CCDC102A: variants seen among roughly 807,000 people sequenced by gnomAD.
CCDC102A encodes the protein coiled-coil domain-containing protein 102A.
CCDC102A carries 40 observed loss-of-function variants against 55.5 expected under a neutral mutation model. The ratio of observed to expected loss-of-function variants is 0.72; its 90% CI spans 0.56 to 0.94. The LOEUF (loss-of-function observed/expected upper bound fraction) is 0.94, where lower values mean the gene tolerates loss of function less well. CCDC102A is among the 40% of genes least tolerant of loss of function. CCDC102A has a pLI of 0.00. For missense variants in CCDC102A, 779 were observed against 768.6 expected, an observed-to-expected ratio of 1.01 and a Z score of -0.16; for synonymous variants, 323 against 339.0, an observed-to-expected ratio of 0.95 and a Z score of 0.52.
rs150719657 is a variant in CCDC102A, at chr16:57,527,606, G to A, written c.585+987C>T. ...GACTAATTTTTGTACTTTTAGTAGA[G>A]ATGGGGTTTCACCATGTTGGCCAGG... is the stretch of plus-strand genomic sequence containing the variant. On this transcript the variant is annotated intron_variant, in intron 2 of 8. Coordinates refer to ENST00000258214, the MANE Select transcript of CCDC102A (RefSeq NM_033212.4). Among the ~76,000 whole-genome samples the A allele has an allele frequency of 3.4e-3, 522 of 152,246 alleles. 4 individuals are homozygous for A. The highest frequency in any genetic ancestry group is 0.02 in the Admixed American group (303 of 15,296).
In CCDC102A at chr16:57,518,243, C is replaced by G; in HGVS notation, c.1073G>C (p.Trp358Ser). Residue 358 changes from tryptophan to serine, a missense_variant, in exon 6 of 9, where the codon TGG (tryptophan) becomes TCG (serine). Trp to Ser is a radical substitution (Grantham distance 177). Transcript: ENST00000258214. ...TGTCTCCAGCCGCTCCCGGCGGCCC[C>G]ACTCCGCAGCGTTTTCGGCCTGCAG... ...ERLQAENAAE[W>S]GRRERLETEK... The G allele has an allele frequency of 6.2e-7, 1 of 1,611,250 alleles. No individual in the cohort carries two copies. Among genetic ancestry groups the G allele is most frequent in the Non-Finnish European group, 8.5e-7 (1 of 1,179,928 alleles).
At chr16:57,525,106 T>A (rs943334397) in intron 3 of CCDC102A, among the ~76,000 whole-genome samples, 15 of 120,710 alleles carry the variant, frequency 1.2e-4, no homozygotes, top group Non-Finnish European at 2.2e-4. Context: ...TTTATTTATT[T>A]ATTTATTGAG....
rs1379248749 is a variant in CCDC102A, at chr16:57,512,190, A to C, written c.*551T>G. On this transcript the variant is annotated 3_prime_UTR_variant, in exon 9 of 9. Coordinates refer to ENST00000258214, the MANE Select transcript of CCDC102A (RefSeq NM_033212.4). ...CATTCATTCTTTCTTCTTCACATTC[A>C]CTCATTTATTAAGTTACTTGACATT... 2.7e-6 allele frequency: 1 copy of C among 364,674 alleles called. No individual in the cohort carries two copies. The highest frequency in any genetic ancestry group is 4.7e-5 in the Admixed American group (1 of 21,474). The allele number at this position is 364,674 out of a possible 1,614,324, so 22.6% of individuals were successfully genotyped here. A position where few individuals can be genotyped will look rare whatever the true frequency, so the allele number is the denominator to read the frequency against.
At position 57,512,547 on chromosome 16, in the gene CCDC102A, T is replaced by C; in HGVS notation, c.*194A>G. On this transcript the variant is annotated 3_prime_UTR_variant, in exon 9 of 9. Transcript: ENST00000258214. ...GCGCGCGCGTGTGTGTATATATATA[T>C]ATAAAACATAGGCTTCCTTTCCACA... 1.6e-6 allele frequency: 1 copy of C among 632,260 alleles called. No homozygotes were observed. The highest frequency in any genetic ancestry group is 2.7e-6 in the Non-Finnish European group (1 of 368,002). The allele number at this position is 632,260 out of a possible 1,614,324, so 39.2% of individuals were successfully genotyped here.
intron 3 of CCDC102A, among the ~76,000 whole-genome samples, chr16:57,524,582 A>AAAAATAC (rs748559644): frequency 0.023 from 2,277 of 100,058 alleles, 20 homozygotes; most frequent in Non-Finnish European, 0.032. Context: ...GTCTAAAAAA[A>AAAAATAC]ATATATATAT....
chr16:57,515,554 G>A (rs1470919183), intron 7 of CCDC102A, 110 bp from the exon 8 acceptor site: 5 of 709,830 alleles, frequency 7.0e-6, no homozygotes, highest in Admixed American at 4.1e-5. Flanking sequence ...GTGCTCCTCC[G>A]AGAGTGTTTG....
chr16:57,528,612 T>G lies in CCDC102A; in HGVS notation c.566A>C (p.Glu189Ala), dbSNP rs754015339. 4 of 1,275,200 alleles carry G rather than the reference T, an allele frequency of 3.1e-6. No homozygotes were observed. The African/African-American group carries it at 6.5e-5, about 21-fold the overall frequency. The allele number at this position is 1,275,200 out of a possible 1,614,324, so 79.0% of individuals were successfully genotyped here. Residue 189 changes from glutamate to alanine, a missense_variant, in exon 2 of 9, where the codon GAG (glutamate) becomes GCG (alanine). Glu to Ala is a moderately radical substitution (Grantham distance 107). Coordinates refer to ENST00000258214, the MANE Select transcript of CCDC102A (RefSeq NM_033212.4). ...EREPVRDVGS[E>A]RPPGSQELEL... ...GCGCACCTGGCTGCCTGGCGGCCTC[T>G]CGGACCCGACGTCACGCACTGGCTC... is the stretch of plus-strand genomic sequence containing the variant.
chr16:57,528,342 G>T (rs1310763881), intron 2 of CCDC102A, among the ~76,000 whole-genome samples: 2 of 152,214 alleles, frequency 1.3e-5, no homozygotes, highest in Admixed American at 6.5e-5. Flanking sequence ...CTGGCTCAAA[G>T]GGGATGATTC....
rs1299416473 is a variant in CCDC102A, at chr16:57,518,128, T to C, written c.1188A>G (p.Thr396=). ...TCAGGTCGCAGTCCAGTGCGCTGGC[T>C]GTTTGCCGCCGCCGCCGGGCCAGCG... ...EEALARRRRQ[T]ASALDCDLRA... is the part of the protein sequence containing the mutation. Residue 396 remains threonine (T), a synonymous_variant, in exon 6 of 9, where the codon ACA becomes ACG. Transcript: ENST00000258214. 1.2e-6 allele frequency: 2 copies of C among 1,609,886 alleles called. No homozygotes were observed. Among genetic ancestry groups the C allele is most frequent in the Admixed American group, 3.3e-5 (2 of 59,996 alleles).
intron 1 of CCDC102A, among the ~76,000 whole-genome samples, chr16:57,534,363 C>T (rs1393824985): frequency 3.3e-5 from 5 of 152,226 alleles, no homozygotes; most frequent in African/African-American, 1.2e-4. Context: ...ATATTTTGAG[C>T]TGACACTTGC....
At chr16:57,533,783 C>A (rs2032319849) in intron 1 of CCDC102A, among the ~76,000 whole-genome samples, 1 of 152,168 alleles carries the variant, frequency 6.6e-6, no homozygotes, top group Non-Finnish European at 1.5e-5. Context: ...GTAACGCACA[C>A]ACTCACTGAG....
At chr16:57,515,079 C>A (rs1160008111) in intron 8 of CCDC102A, among the ~76,000 whole-genome samples, 6 of 152,152 alleles carry the variant, frequency 3.9e-5, no homozygotes, top group African/African-American at 1.2e-4. Context: ...TCCAGCCCGC[C>A]CTTCCTGCCC....
intron 1 of CCDC102A, among the ~76,000 whole-genome samples, chr16:57,532,171 T>C (rs1311015700): frequency 3.3e-5 from 5 of 152,166 alleles, no homozygotes; most frequent in Admixed American, 3.3e-4. Context: ...ACCCAGACAC[T>C]TGGCCCTATA....
At chr16:57,535,693 C>T (rs1225942119) in intron 1 of CCDC102A, among the ~76,000 whole-genome samples, 1 of 150,772 alleles carries the variant, frequency 6.6e-6, no homozygotes, top group African/African-American at 2.4e-5. Flanking sequence ...AGCAGACATC[C>T]CGCTAGTCCC....
intron 8 of CCDC102A, among the ~76,000 whole-genome samples, chr16:57,513,406 C>T (rs115710579): frequency 7.2e-5 from 11 of 152,342 alleles, no homozygotes; most frequent in Non-Finnish European, 7.3e-5. Context: ...TCCCCCAACC[C>T]CCCAGCAAAG....
chr16:57,533,480 T>A (rs544509518), intron 1 of CCDC102A, among the ~76,000 whole-genome samples: 1,494 of 144,852 alleles, frequency 0.01, 27 homozygotes, highest in African/African-American at 0.036. Context: ...ATGCACACAT[T>A]CACACACACA....
chr16:57,516,553 C>G lies in CCDC102A; in HGVS notation c.1249-90G>C. The G allele has an allele frequency of 9.7e-7, 1 of 1,027,338 alleles. No individual in the cohort carries two copies. The highest frequency in any genetic ancestry group is 2.5e-5 in the East Asian group (1 of 39,776). 63.6% of individuals were successfully genotyped at this position (1,027,338 alleles called of 1,614,324 possible). A position where few individuals can be genotyped will look rare whatever the true frequency, so the allele number is the denominator to read the frequency against. ...GGGAGTCCCACGAGGTCAGGCAGTT[C>G]TAGGGATGCTGGGTGTCTCTCCTTC... On this transcript the variant is annotated intron_variant, in intron 6 of 8. Transcript: ENST00000258214. The surrounding 1 kb of genome is among the most constrained non-coding windows in gnomAD (Gnocchi z 4.4).
Position 57,528,691 on chromosome 16 carries a change from C to G in CCDC102A, c.487G>C (p.Ala163Pro), listed in dbSNP as rs1396005713. ...RGRELARLRG[A>P]RGVADQTRDG... ...CGCGTCTGGTCGGCGACCCCCCGGGCGCCCCTCAGCCGCGCCAGCTCGCGG... is the reference window on the plus strand; with the variant it reads ...CGCGTCTGGTCGGCGACCCCCCGGGGGCCCCTCAGCCGCGCCAGCTCGCGG... Residue 163 changes from alanine (A) to proline (P), a missense_variant, in exon 2 of 9, where the codon GCC (alanine) becomes CCC (proline). Transcript: ENST00000258214. 4.4e-5 allele frequency: 49 copies of G among 1,122,444 alleles called. No individual in the cohort carries two copies. Among genetic ancestry groups the G allele is most frequent in the African/African-American group, 5.1e-5 (3 of 58,654 alleles). 69.5% of individuals were successfully genotyped at this position (1,122,444 alleles called of 1,614,324 possible).
chr16:57,522,973 C>G (rs4390581), intron 3 of CCDC102A, among the ~76,000 whole-genome samples: 12,013 of 152,234 alleles, frequency 0.079, 615 homozygotes, highest in East Asian at 0.19. Flanking sequence ...TCGAGAGCAG[C>G]CTGGGCAACA....
Sources: allele counts gnomAD v4.1 joint callset (sites outside exome capture counted in the v4.1 genomes callset), GRCh38; gene constraint gnomAD v4.1.1; non-coding constraint Gnocchi (gnomAD v3.1); transcripts MANE v1.5; gene names NCBI Gene and HGNC (gene_info 2026-07-23, HGNC 2026-07-21).